The following TANC2 variants were observed in gnomAD, a reference collection of about 807,000 sequenced individuals.
TANC2 encodes the protein tetratricopeptide repeat, ankyrin repeat and coiled-coil containing 2, also known as protein TANC2.
Under a neutral mutation model 210.5 loss-of-function variants are expected in TANC2, and 26 were observed. That is an observed-to-expected ratio of 0.12 (90% confidence interval 0.09 to 0.17). TANC2 has a LOEUF of 0.17. Among genes scored for constraint, TANC2 ranks in the 10% least tolerant of loss-of-function variants. The pLI is 1.00. For missense variants in TANC2, 2,129 were observed against 2,608.9 expected (o/e 0.82, Z 4.01); for synonymous variants, 931 against 967.1 (o/e 0.96, Z 0.69).
At position 63,230,399 on chromosome 17, in the gene TANC2, AGCTTTCGAT is replaced by A. The variant is rs376121348; in HGVS notation, c.770-7413_770-7405del. ...TAGGGTATCGATTTGAGATCTTTCT[AGCTTTCGAT>A]GTGGGCATTTAGTGCTGTAAATTTC... is the stretch of plus-strand genomic sequence containing the variant. On this transcript the variant is annotated intron_variant, in intron 7 of 27. Transcript: ENST00000689528. 2.9e-3 allele frequency among the ~76,000 whole-genome samples: 443 copies of A among 152,144 alleles called. 3 individuals carry two copies. The highest frequency in any genetic ancestry group is 0.01 in the African/African-American group (420 of 41,518).
intron 2 of TANC2, among the ~76,000 whole-genome samples, chr17:63,037,784 A>G (rs1054340772): frequency 6.6e-6 from 1 of 152,194 alleles, no homozygotes; most frequent in Non-Finnish European, 1.5e-5. Flanking sequence ...ACTGTGTTCC[A>G]GCTGGGCGGC....
chr17:62,971,429 A>G (rs900271075), intron 1 of TANC2, among the ~76,000 whole-genome samples: 1 of 152,180 alleles, frequency 6.6e-6, no homozygotes, highest in East Asian at 1.9e-4. Flanking sequence ...TCCTGGGCTC[A>G]GGCGATCCTC....
intron 4 of TANC2, among the ~76,000 whole-genome samples, chr17:63,144,445 C>T (rs1441725444): frequency 1.3e-5 from 2 of 152,090 alleles, no homozygotes; most frequent in Admixed American, 1.3e-4. Flanking sequence ...AATCAGATAT[C>T]TAATAGTCTG....
At chr17:63,269,945 A>G (rs180766403) in intron 9 of TANC2, among the ~76,000 whole-genome samples, 1 of 152,286 alleles carries the variant, frequency 6.6e-6, no homozygotes, top group Admixed American at 6.5e-5. Flanking sequence ...TAGTGTCTTA[A>G]CTTATTGTTT....
intron 2 of TANC2, among the ~76,000 whole-genome samples, chr17:63,031,385 T>C (rs895216185): frequency 6.6e-6 from 1 of 152,124 alleles, no homozygotes; most frequent in Non-Finnish European, 1.5e-5. Flanking sequence ...AAGAGAATAT[T>C]GAAGAAAAAA....
rs759452024 is a variant in TANC2 at position 63,009,608 on chromosome 17, C to T, written c.49C>T (p.Arg17Cys). 24 of 1,612,620 alleles carry T rather than the reference C, an allele frequency of 1.5e-5. No homozygotes were observed. Among genetic ancestry groups the T allele is most frequent in the Non-Finnish European group, 1.9e-5 (22 of 1,179,154 alleles). The change falls in exon 2 of 28, where the codon CGT becomes TGT. Residue 17 changes from arginine to cysteine, a missense_variant. By Grantham distance (180) the Arg-to-Cys change is radical. Coordinates refer to ENST00000689528, the Ensembl canonical transcript of TANC2. Reference sequence around the variant, plus strand: ...GCTGCTTACTGGTGGGAAATCAAGTCGTAAAAACAGGTCAAGTGGTAAGTG... The same window carrying T: ...GCTGCTTACTGGTGGGAAATCAAGTTGTAAAAACAGGTCAAGTGGTAAGTG...
intron 19 of TANC2, 130 bp from the exon 20 acceptor site, chr17:63,404,992 G>A: frequency 1.8e-6 from 2 of 1,129,226 alleles, no homozygotes; most frequent in Non-Finnish European, 2.3e-6. Flanking sequence ...TGGAAAAGGT[G>A]GCAAAAATCA....
intron 4 of TANC2, among the ~76,000 whole-genome samples, chr17:63,142,250 G>T (rs573678103): frequency 1.2e-4 from 18 of 152,224 alleles, no homozygotes; most frequent in African/African-American, 4.3e-4. Flanking sequence ...GTGGTAAGAT[G>T]TTTAATTACT....
intron 5 of TANC2, chr17:63,152,889 A>C (rs2039704163): frequency 6.6e-6 from 1 of 152,092 alleles, no homozygotes; most frequent in African/African-American, 2.4e-5. Flanking sequence ...ATTTATGTAT[A>C]TTTTCCACAG....
At chr17:63,181,223 A>G (rs2040774221) in intron 5 of TANC2, among the ~76,000 whole-genome samples, 1 of 152,198 alleles carries the variant, frequency 6.6e-6, no homozygotes. Context: ...TTAGTGATAC[A>G]TATCTTTAAT....
intron 2 of TANC2, among the ~76,000 whole-genome samples, chr17:63,065,588 T>C (rs1012260460): frequency 2.0e-5 from 3 of 152,220 alleles, no homozygotes; most frequent in Non-Finnish European, 4.4e-5. Flanking sequence ...TTTTGTCTTA[T>C]TAATTATGTA....
intron 2 of TANC2, among the ~76,000 whole-genome samples, chr17:63,029,485 A>G (rs954633392): frequency 6.6e-6 from 1 of 152,268 alleles, no homozygotes; most frequent in Non-Finnish European, 1.5e-5. Context: ...GTGATTTAAA[A>G]AAATTAGATA....
intron 8 of TANC2, among the ~76,000 whole-genome samples, chr17:63,262,361 G>A (rs777181663): frequency 6.6e-6 from 1 of 152,074 alleles, no homozygotes; most frequent in South Asian, 2.1e-4. Context: ...TTGTTTGTTT[G>A]TTTAATTTTC....
At chr17:63,114,486 C>T (rs2038177601) in intron 4 of TANC2, among the ~76,000 whole-genome samples, 1 of 152,126 alleles carries the variant, frequency 6.6e-6, no homozygotes, top group African/African-American at 2.4e-5. Context: ...TCACTCATTA[C>T]CCTACTGCTG....
At chr17:63,248,453 A>G (rs780833526) in intron 8 of TANC2, among the ~76,000 whole-genome samples, 32 of 152,140 alleles carry the variant, frequency 2.1e-4, no homozygotes, top group Admixed American at 3.9e-4. Context: ...ATCTTTTTTA[A>G]ACTTAATTTC....
intron 1 of TANC2, among the ~76,000 whole-genome samples, chr17:63,006,910 T>G (rs906153110): frequency 2.0e-5 from 3 of 152,154 alleles, no homozygotes; most frequent in Non-Finnish European, 2.9e-5. Flanking sequence ...CAGGCTTTCT[T>G]ATTGGGTCCA....
intron 26 of TANC2, among the ~76,000 whole-genome samples, chr17:63,417,517 T>C (rs77373907): frequency 0.029 from 4,372 of 152,208 alleles, 66 homozygotes; most frequent in South Asian, 0.04. Context: ...CAGTCACAGC[T>C]GGGGTCTTCT....
rs182765215 is a variant in TANC2, at chr17:63,416,424, A to G, written c.4167+750A>G. The stretch of plus-strand genomic sequence containing the variant: ...CTGAGGTCTCACAGTTCCTCAGGAG[A>G]TAAAAATAATCCAAGCCAAACAGAT... On this transcript the variant is annotated intron_variant, in intron 26 of 27. Transcript: ENST00000689528. Among the ~76,000 whole-genome samples, 88 of 152,338 alleles carry G rather than the reference A, an allele frequency of 5.8e-4. No individual in the cohort carries two copies. The Middle Eastern group carries it at 0.017, about 29-fold the overall frequency.
intron 9 of TANC2, among the ~76,000 whole-genome samples, chr17:63,298,572 G>A (rs1285957496): frequency 2.0e-5 from 3 of 151,998 alleles, no homozygotes; most frequent in Non-Finnish European, 4.4e-5. Context: ...GTTTTATTTT[G>A]GAGCAACAAA....
Sources: gnomAD v4.1 joint callset for allele counts (sites outside exome capture counted in the v4.1 genomes callset) on GRCh38, gnomAD v4.1.1 for gene constraint, MANE v1.5 for transcripts, NCBI Gene and HGNC (gene_info 2026-07-23, HGNC 2026-07-21) for gene names.